KANK1: variants seen among roughly 807,000 people sequenced by gnomAD.
KANK1 encodes the protein KN motif and ankyrin repeat domain-containing protein 1.
Under a neutral mutation model 106.2 loss-of-function variants are expected in KANK1, and 109 were observed. That is an observed-to-expected ratio of 1.03 (90% CI 0.88 to 1.20). The LOEUF (loss-of-function observed/expected upper bound fraction) is 1.20. KANK1 is among the 50% of genes most tolerant of loss of function. The pLI is 0.00. For synonymous variants in KANK1, 873 were observed against 652.2 expected, an observed-to-expected ratio of 1.34 and a Z score of -5.16; for missense variants, 2,399 against 1,710.7, an observed-to-expected ratio of 1.40 and a Z score of -7.10.
intron 1 of KANK1, among the ~76,000 whole-genome samples, chr9:541,940 T>A (rs2060626527): frequency 6.6e-6 from 1 of 150,622 alleles, no homozygotes; most frequent in Admixed American, 6.6e-5. Context: ...ATACAAAAAA[T>A]TAGCCGGGCG....
chr9:726,964 C>A (rs370440775), intron 3 of KANK1, among the ~76,000 whole-genome samples: 1 of 152,076 alleles, frequency 6.6e-6, no homozygotes, highest in East Asian at 1.9e-4. Flanking sequence ...GACACTCTCT[C>A]AATTAAAATA....
rs775369669 is a variant in KANK1 at position 734,732 on chromosome 9, T to A, written c.3246-16T>A. On this transcript the variant is annotated splice_polypyrimidine_tract_variant and intron_variant, in intron 6 of 11. Transcript: ENST00000382297. ...TCTTCTTGTGACCAATCGTAACTTG[T>A]TTTTTCTCCTTTCAGGTATGAATTA... 9 of 1,563,110 alleles carry A rather than the reference T, an allele frequency of 5.8e-6. No homozygotes were observed. The highest frequency in any genetic ancestry group is 7.9e-6 in the Non-Finnish European group (9 of 1,134,872).
intron 1 of KANK1, among the ~76,000 whole-genome samples, chr9:518,916 G>A (rs924964968): frequency 2.0e-5 from 3 of 150,912 alleles, no homozygotes; most frequent in Non-Finnish European, 2.9e-5. Context: ...TTGAGACAGA[G>A]TTTCGCTCTT....
chr9:668,991 C>T (rs1419657732), intron 1 of KANK1, among the ~76,000 whole-genome samples: 1 of 152,092 alleles, frequency 6.6e-6, no homozygotes, highest in Non-Finnish European at 1.5e-5. Flanking sequence ...TCCTAACATG[C>T]GACGGACCAG....
At chr9:579,588 G>A (rs75454145) in intron 1 of KANK1, among the ~76,000 whole-genome samples, 3,209 of 152,180 alleles carry the variant, frequency 0.021, 131 homozygotes, top group African/African-American at 0.073. Context: ...CCCTAGGGGA[G>A]AAGCATCTTC....
At chr9:526,198 TC>T (rs1461200666) in intron 1 of KANK1, among the ~76,000 whole-genome samples, 7 of 151,906 alleles carry the variant, frequency 4.6e-5, no homozygotes, top group Non-Finnish European at 8.8e-5. Context: ...AGGAGTGTGA[TC>T]CTGGTGCTGT....
intron 1 of KANK1, among the ~76,000 whole-genome samples, chr9:524,045 A>G (rs1278724371): frequency 6.6e-6 from 1 of 151,656 alleles, no homozygotes. Context: ...AGGATTTACT[A>G]TGCTGTTCAG....
intron 2 of KANK1, among the ~76,000 whole-genome samples, chr9:688,228 C>T (rs893207691): frequency 5.3e-5 from 8 of 152,168 alleles, no homozygotes; most frequent in Non-Finnish European, 8.8e-5. Flanking sequence ...TACTGTGTCA[C>T]ACACACACTC....
Position 712,942 on chromosome 9 carries a change from G to A in KANK1, c.2176G>A (p.Asp726Asn), listed in dbSNP as rs1455919031. ...TVAVGEGRVK[D>N]INSSTKTRSI... ...AGCTGTAGGAGAAGGCCGTGTCAAG[G>A]ACATCAACTCCTCCACCAAGACGCG... The change falls in exon 3 of 12, where the codon GAC (aspartate) becomes AAC (asparagine). Residue 726 changes from aspartate to asparagine, a missense_variant. Coordinates refer to ENST00000382297, the MANE Select transcript of KANK1 (RefSeq NM_015158.5). 2 of 1,614,068 alleles carry A rather than the reference G, an allele frequency of 1.2e-6. No homozygotes were observed. The highest frequency in any genetic ancestry group is 3.3e-5 in the Admixed American group (2 of 60,000).
chr9:617,246 A>G (rs1444711246), intron 1 of KANK1, among the ~76,000 whole-genome samples: 3 of 152,238 alleles, frequency 2.0e-5, no homozygotes, highest in Non-Finnish European at 2.9e-5. Flanking sequence ...TTCTTTAACA[A>G]TCTGTATTCT....
Position 603,100 on chromosome 9 carries a change from A to G in KANK1, c.-83-73790A>G, listed in dbSNP as rs138788570. Among the ~76,000 whole-genome samples the G allele has an allele frequency of 2.0e-5, 3 of 151,958 alleles. No individual in the cohort carries two copies. The East Asian group carries it at 5.8e-4, about 29-fold the overall frequency. On this transcript the variant is annotated intron_variant, in intron 1 of 11. Transcript: ENST00000382297. The stretch of plus-strand genomic sequence containing the variant: ...AGAGTCTCTTATTCTCTTTTGGAAT[A>G]TAGATCTAAGAGTAGATTTATATCA...
intron 2 of KANK1, among the ~76,000 whole-genome samples, chr9:691,679 T>C (rs1219819863): frequency 7.0e-6 from 1 of 143,314 alleles, no homozygotes; most frequent in African/African-American, 2.6e-5. Context: ...AGTAGCATGA[T>C]CATAGCTCAC....
chr9:653,304 G>T (rs7863471), intron 1 of KANK1, among the ~76,000 whole-genome samples: 27,543 of 151,912 alleles, frequency 0.18, 2,731 homozygotes, highest in East Asian at 0.32. Flanking sequence ...TCCCAGGCTC[G>T]TGGTCTCTCT....
At chr9:562,440 C>G (rs979577635) in intron 1 of KANK1, among the ~76,000 whole-genome samples, 2 of 152,186 alleles carry the variant, frequency 1.3e-5, no homozygotes, top group Non-Finnish European at 2.9e-5. Context: ...TGCTCTAGAT[C>G]ATGTTCCCAG....
intron 1 of KANK1, among the ~76,000 whole-genome samples, chr9:551,960 T>G (rs2641990): frequency 0.95 from 145,052 of 152,076 alleles, 69,233 homozygotes; most frequent in East Asian, 1. Context: ...GGAGGCTGAG[T>G]TGGGAGGATC....
chr9:629,935 G>A (rs977674101), intron 1 of KANK1, among the ~76,000 whole-genome samples: 1 of 152,146 alleles, frequency 6.6e-6, no homozygotes. Context: ...TGTTTTTCAA[G>A]AACAAAGGGA....
intron 1 of KANK1, among the ~76,000 whole-genome samples, chr9:661,476 A>C (rs1234153207): frequency 6.6e-6 from 1 of 152,176 alleles, no homozygotes; most frequent in African/African-American, 2.4e-5. Flanking sequence ...ATGGCGGTAT[A>C]GTATTCCATG....
chr9:559,588 G>A (rs1475113025), intron 1 of KANK1, among the ~76,000 whole-genome samples: 1 of 152,210 alleles, frequency 6.6e-6, no homozygotes, highest in African/African-American at 2.4e-5. Context: ...ATTGTAAAAT[G>A]TAAGTGCATA....
Position 744,588 on chromosome 9 carries a change from C to G in KANK1, c.3995C>G (p.Pro1332Arg), listed in dbSNP as rs143775530. 1.2e-6 allele frequency: 2 copies of G among 1,613,970 alleles called. No homozygotes were observed. The highest frequency in any genetic ancestry group is 1.7e-5 in the Admixed American group (1 of 59,996). ...GTCAACTTTGCAAAAGCCCAGTCTC[C>G]GGTCAGTGTTGTGCATTTGGCATTT... ...AHVNFAKAQS[P>R]GTPRLGRKTS... is the part of the protein sequence containing the mutation. Residue 1332 changes from proline (P) to arginine (R), a missense_variant and splice_region_variant, in exon 11 of 12, where the codon CCG becomes CGG. By Grantham distance (103) the Pro-to-Arg change is moderately radical. Coordinates refer to ENST00000382297, the MANE Select transcript of KANK1 (RefSeq NM_015158.5).
Sources: allele counts gnomAD v4.1 joint callset (sites outside exome capture counted in the v4.1 genomes callset), GRCh38; gene constraint gnomAD v4.1.1; transcripts MANE v1.5; gene names NCBI Gene and HGNC (gene_info 2026-07-23, HGNC 2026-07-21).